Variants in GPC5 observed in about 807,000 individuals in gnomAD.
GPC5 encodes the protein glypican 5.
GPC5 carries 47 observed loss-of-function variants against 53.9 expected under a neutral mutation model. That is an observed-to-expected ratio of 0.87 (90% CI 0.69 to 1.11). The LOEUF (loss-of-function observed/expected upper bound fraction) is 1.11. GPC5 is among the 50% of genes most tolerant of loss of function. The pLI, the probability that GPC5 is intolerant of heterozygous loss-of-function variation, is 0.00. For synonymous variants in GPC5, 286 were observed against 263.3 expected (o/e 1.09, Z -0.84); for missense variants, 748 against 713.1 (o/e 1.05, Z -0.56).
intron 5 of GPC5, among the ~76,000 whole-genome samples, chr13:91,825,709 G>T (rs544135381): frequency 6.6e-6 from 1 of 152,064 alleles, no homozygotes; most frequent in African/African-American, 2.4e-5. Flanking sequence ...CCGGACTCAC[G>T]TGATACCAGT....
intron 6 of GPC5, among the ~76,000 whole-genome samples, chr13:91,942,444 C>A (rs1303612107): frequency 1.3e-5 from 2 of 152,022 alleles, no homozygotes; most frequent in African/African-American, 2.4e-5. Context: ...TTATATCAAA[C>A]CTTTCTGATT....
intron 1 of GPC5, among the ~76,000 whole-genome samples, chr13:91,427,210 C>A (rs1475433940): frequency 6.6e-6 from 1 of 152,202 alleles, no homozygotes; most frequent in African/African-American, 2.4e-5. Context: ...AAGAGGGCTG[C>A]AGTCTTCTAG....
At chr13:92,413,018 AG>A (rs1219025161) in intron 7 of GPC5, among the ~76,000 whole-genome samples, 3 of 152,226 alleles carry the variant, frequency 2.0e-5, no homozygotes, top group Non-Finnish European at 4.4e-5. Flanking sequence ...TAACAATAAT[AG>A]AATTCCTATG....
chr13:92,572,656 A>G (rs1444421979), intron 7 of GPC5, among the ~76,000 whole-genome samples: 1 of 152,238 alleles, frequency 6.6e-6, no homozygotes, highest in Non-Finnish European at 1.5e-5. Context: ...AGAATAAAAG[A>G]CAATGAAAAA....
At chr13:92,807,253 C>A (rs1037487586) in intron 7 of GPC5, among the ~76,000 whole-genome samples, 1 of 151,904 alleles carries the variant, frequency 6.6e-6, no homozygotes, top group Non-Finnish European at 1.5e-5. Context: ...TACCTAAAAC[C>A]AGAATTTAAT....
At chr13:92,035,065 A>C (rs983841082) in intron 6 of GPC5, among the ~76,000 whole-genome samples, 1 of 152,082 alleles carries the variant, frequency 6.6e-6, no homozygotes, top group African/African-American at 2.4e-5. Context: ...ATTCGAGTTG[A>C]CTTTTGTGTT....
intron 6 of GPC5, among the ~76,000 whole-genome samples, chr13:92,017,325 T>C (rs1050442676): frequency 6.6e-6 from 1 of 152,118 alleles, no homozygotes; most frequent in African/African-American, 2.4e-5. Context: ...GGTTCTTAGG[T>C]AGAGAGAGCT....
chr13:92,089,323 A>G (rs941272038), intron 6 of GPC5, among the ~76,000 whole-genome samples: 2 of 152,024 alleles, frequency 1.3e-5, no homozygotes, highest in African/African-American at 4.8e-5. Flanking sequence ...AGTCCCAGCT[A>G]CTCAGGAGGC....
Position 91,895,638 on chromosome 13 carries a change from CT to C in GPC5, c.1281-12286del, listed in dbSNP as rs1277407427. Among the ~76,000 whole-genome samples the C allele has an allele frequency of 1.9e-3, 273 of 143,240 alleles. 1 individual carries two copies. In the East Asian group the frequency reaches 0.022, roughly 12 times the overall value. 94.0% of individuals were successfully genotyped at this position (143,240 alleles called of 152,430 possible). A position where few individuals can be genotyped will look rare whatever the true frequency, so the allele number is the denominator to read the frequency against. On this transcript the variant is annotated intron_variant, in intron 5 of 7. Coordinates refer to ENST00000377067, the MANE Select transcript of GPC5 (RefSeq NM_004466.6). ...GTTTTATCTTTTTCTCTCTTTCTTTCTTTTTTTTTTTTTCTTTAACATGACT... is the reference window on the plus strand; with the variant it reads ...GTTTTATCTTTTTCTCTCTTTCTTTCTTTTTTTTTTTTCTTTAACATGACT...
chr13:92,548,325 A>T (rs1210734781), intron 7 of GPC5, among the ~76,000 whole-genome samples: 9 of 151,582 alleles, frequency 5.9e-5, no homozygotes, highest in Non-Finnish European at 1.3e-4. Context: ...TATAGAATTA[A>T]TGTTATCAAA....
intron 2 of GPC5, among the ~76,000 whole-genome samples, chr13:91,583,520 C>T (rs1294444509): frequency 6.6e-6 from 1 of 152,114 alleles, no homozygotes; most frequent in Non-Finnish European, 1.5e-5. Context: ...TAGTACTGAT[C>T]ATATTCCTAC....
chr13:92,773,551 G>A (rs9556211), intron 7 of GPC5, among the ~76,000 whole-genome samples: 5 of 152,008 alleles, frequency 3.3e-5, no homozygotes, highest in Admixed American at 6.6e-5. Flanking sequence ...ACCAGATGAC[G>A]TAAATGAAAT....
intron 7 of GPC5, among the ~76,000 whole-genome samples, chr13:92,658,119 C>T (rs1488441550): frequency 6.6e-6 from 1 of 152,072 alleles, no homozygotes; most frequent in African/African-American, 2.4e-5. Context: ...TCTTTCTTCT[C>T]TGTGTAGGCA....
At chr13:92,397,757 G>A (rs1007085392) in intron 7 of GPC5, among the ~76,000 whole-genome samples, 2 of 151,994 alleles carry the variant, frequency 1.3e-5, no homozygotes, top group Non-Finnish European at 2.9e-5. Context: ...TTATTGGCGC[G>A]GAAACAGCAA....
At chr13:92,186,019 A>G (rs2042181307) in intron 7 of GPC5, among the ~76,000 whole-genome samples, 2 of 152,186 alleles carry the variant, frequency 1.3e-5, no homozygotes, top group Non-Finnish European at 2.9e-5. Flanking sequence ...ATATTAATTT[A>G]AAGTTAAATG....
At chr13:92,815,622 T>C (rs1877446561) in intron 7 of GPC5, among the ~76,000 whole-genome samples, 1 of 151,576 alleles carries the variant, frequency 6.6e-6, no homozygotes. Flanking sequence ...TATCGAAAAA[T>C]GTTCTGGCAG....
chr13:92,811,325 C>A (rs922029238), intron 7 of GPC5, among the ~76,000 whole-genome samples: 1 of 151,910 alleles, frequency 6.6e-6, no homozygotes, highest in Non-Finnish European at 1.5e-5. Flanking sequence ...ACACATATTC[C>A]ACCATCGTAA....
At chr13:91,751,999 A>G (rs1444775731) in intron 4 of GPC5, among the ~76,000 whole-genome samples, 3 of 152,160 alleles carry the variant, frequency 2.0e-5, no homozygotes, top group Non-Finnish European at 2.9e-5. Context: ...CTGGGGTTGA[A>G]AGGTTCAAGA....
chr13:92,548,523 G>A (rs1287298303), intron 7 of GPC5, among the ~76,000 whole-genome samples: 1 of 151,486 alleles, frequency 6.6e-6, no homozygotes, highest in Admixed American at 6.6e-5. Context: ...TTTCTTTCTG[G>A]TGTTTGTCAA....
Sources: allele counts gnomAD v4.1 joint callset (sites outside exome capture counted in the v4.1 genomes callset), GRCh38; gene constraint gnomAD v4.1.1; transcripts MANE v1.5; gene names NCBI Gene and HGNC (gene_info 2026-07-23, HGNC 2026-07-21).